SORL1: variants seen among roughly 807,000 people sequenced by gnomAD.
SORL1 encodes sortilin related receptor 1, also known as sortilin-related receptor.
A neutral mutation model predicts 273.7 loss-of-function variants in SORL1; 127 were observed. The observed-to-expected ratio is 0.46, with a 90% CI of 0.40 to 0.54. The LOEUF (loss-of-function observed/expected upper bound fraction) is 0.54, where lower values mean the gene tolerates loss of function less well. Ranked by LOEUF, SORL1 falls within the 20% of genes least tolerant of loss-of-function variation. The probability of loss-of-function intolerance (pLI) is 0.00; values close to 1 mark genes in which losing one functional copy is unlikely to be tolerated. For missense variants in SORL1, 2,494 were observed against 2,846.1 expected (o/e 0.88, Z 2.81); for synonymous variants, 1,031 against 1,067.4 (o/e 0.97, Z 0.66).
intron 8 of SORL1, among the ~76,000 whole-genome samples, chr11:121,519,034 G>A (rs1378127530): frequency 1.3e-4 from 20 of 148,522 alleles, no homozygotes; most frequent in Non-Finnish European, 2.8e-4. Flanking sequence ...TGCAACCTCC[G>A]CCTCCCGGGT....
At chr11:121,619,585 A>G (rs12278701) in intron 42 of SORL1, among the ~76,000 whole-genome samples, 168 bp from the exon 43 acceptor site, 2,440 of 152,322 alleles carry the variant, frequency 0.016, 55 homozygotes, top group African/African-American at 0.055. Flanking sequence ...TACCAGTGGT[A>G]CCTCTTGGAA....
At chr11:121,553,063 A>T (rs1459278269) in intron 16 of SORL1, among the ~76,000 whole-genome samples, 1 of 152,220 alleles carries the variant, frequency 6.6e-6, no homozygotes, top group Non-Finnish European at 1.5e-5. Flanking sequence ...CATCTTAAAA[A>T]TCATCCACGG....
intron 6 of SORL1, among the ~76,000 whole-genome samples, chr11:121,501,020 T>A (rs1472405680): frequency 1.3e-5 from 2 of 152,132 alleles, no homozygotes; most frequent in African/African-American, 4.8e-5. Context: ...AGATGAGAAA[T>A]CAGCTGACAA....
At chr11:121,576,070 T>G (rs967586592) in intron 24 of SORL1, among the ~76,000 whole-genome samples, 5 of 152,250 alleles carry the variant, frequency 3.3e-5, no homozygotes, top group Admixed American at 2.0e-4. Flanking sequence ...GACGGCTGCC[T>G]TGGGCCCCAC....
intron 32 of SORL1, among the ~76,000 whole-genome samples, chr11:121,599,988 G>A (rs769025239): frequency 5.3e-5 from 8 of 152,048 alleles, no homozygotes; most frequent in Non-Finnish European, 1.2e-4. Flanking sequence ...GCTTTTTAAA[G>A]TGGCCCTATC....
rs535001176 is a variant in SORL1, at chr11:121,572,566, C to G, written c.3338-1675C>G. ...CTTATCTGTGCCTGCATGTGTGTCT[C>G]CCTCATCAAGGAGGTTGCGTGTGGA... On this transcript the variant is annotated intron_variant, in intron 23 of 47. Transcript: ENST00000260197. Among the ~76,000 whole-genome samples, 3 of 152,250 alleles carry G rather than the reference C, an allele frequency of 2.0e-5. No homozygotes were observed. In the East Asian group the frequency reaches 5.8e-4, roughly 29 times the overall value.
chr11:121,605,196 A>G lies in SORL1; in HGVS notation c.4735A>G (p.Lys1579Glu). Residue 1579 changes from lysine (K) to glutamate (E), a missense_variant, in exon 34 of 48, where the codon AAA becomes GAA. Physicochemically the swap from Lys to Glu is moderately conservative, Grantham distance 56. This residue lies in a region of SORL1 where 1,609 missense variants were observed against 1,816.4 expected (regional missense o/e 0.89). Transcript: ENST00000260197. ...TGTGACTTTGACCTGGATGAGGCCCAAAAAAATGCCCTCTGCTTCTTGTGT... is the reference window on the plus strand; with the variant it reads ...TGTGACTTTGACCTGGATGAGGCCCGAAAAAATGCCCTCTGCTTCTTGTGT... ...GDVTLTWMRP[K>E]KMPSASCVYN... The G allele has an allele frequency of 6.2e-7, 1 of 1,612,502 alleles. No individual in the cohort carries two copies. Among genetic ancestry groups the G allele is most frequent in the Non-Finnish European group, 8.5e-7 (1 of 1,178,878 alleles).
chr11:121,530,316 TC>T (rs1862184203), intron 11 of SORL1, among the ~76,000 whole-genome samples: 1 of 152,178 alleles, frequency 6.6e-6, no homozygotes, highest in African/African-American at 2.4e-5. Context: ...CTATAGCATT[TC>T]CTGTAGCGAG....
At chr11:121,453,198 C>A (rs1269126034) in intron 1 of SORL1, among the ~76,000 whole-genome samples, 1 of 152,080 alleles carries the variant, frequency 6.6e-6, no homozygotes, top group Non-Finnish European at 1.5e-5. Context: ...TCTTCCCCAC[C>A]CTTCAAGATG....
rs538948789 is a variant in SORL1, at chr11:121,518,201, G to C, written c.1212-2456G>C. Among the ~76,000 whole-genome samples the C allele has an allele frequency of 1.7e-3, 261 of 152,328 alleles. 1 individual carries two copies. The highest frequency in any genetic ancestry group is 3.1e-3 in the Non-Finnish European group (209 of 68,014). ...CAGGGCATGGATTCTGCACTGAGTGGGGCTATAGGGGACCTGGTGAGCTTC... is the reference window on the plus strand; with the variant it reads ...CAGGGCATGGATTCTGCACTGAGTGCGGCTATAGGGGACCTGGTGAGCTTC... On this transcript the variant is annotated intron_variant, in intron 8 of 47. Transcript: ENST00000260197.
chr11:121,479,354 C>T lies in SORL1; in HGVS notation c.528+1111C>T, dbSNP rs182147623. Among the ~76,000 whole-genome samples the T allele has an allele frequency of 1.7e-3, 256 of 152,260 alleles. 2 individuals carry two copies. Among genetic ancestry groups the T allele is most frequent in the Middle Eastern group, 0.014 (4 of 294 alleles). On this transcript the variant is annotated intron_variant, in intron 3 of 47. Transcript: ENST00000260197. The stretch of plus-strand genomic sequence containing the variant: ...GTTTGTTTCCAGGCCAGATCTTCTA[C>T]GGAAAGACCCTTAGTAGAAAAACTA...
chr11:121,523,516 G>C (rs558618746), intron 11 of SORL1, among the ~76,000 whole-genome samples: 1 of 151,848 alleles, frequency 6.6e-6, no homozygotes, highest in African/African-American at 2.4e-5. Context: ...AACTAATATC[G>C]ATGCTGATTA....
In SORL1 at chr11:121,631,933, G is replaced by C. The variant is rs1863882225; in HGVS notation, c.*2370G>C. ...TGTTTCCCTCTGTGTAGCTTTGTGG[G>C]GATTTCATGTATATATGCTGTCTGA... On this transcript the variant is annotated 3_prime_UTR_variant, in exon 48 of 48. Transcript: ENST00000260197. 6.6e-6 allele frequency: 1 copy of C among 152,120 alleles called. No homozygotes were observed. The highest frequency in any genetic ancestry group is 1.5e-5 in the Non-Finnish European group (1 of 68,034). 9.4% of individuals were successfully genotyped at this position (152,120 alleles called of 1,614,324 possible).
At chr11:121,494,613 G>A (rs1034541591) in intron 5 of SORL1, among the ~76,000 whole-genome samples, 2 of 152,180 alleles carry the variant, frequency 1.3e-5, no homozygotes, top group East Asian at 1.9e-4. Context: ...GTCAGTGAGC[G>A]TAAGACATTG....
intron 14 of SORL1, among the ~76,000 whole-genome samples, chr11:121,549,747 T>TTTTTTTTTTTTTTTTTTTTTTTTTTA (rs1862481206): frequency 6.6e-6 from 1 of 152,064 alleles, no homozygotes; most frequent in Non-Finnish European, 1.5e-5. Context: ...TTGGTCTATT[T>TTTTTTTTTTTTTTTTTTTTTTTTTTA]ATGGCATGTG....
intron 39 of SORL1, 82 bp downstream of exon 39, chr11:121,611,240 GA>G (rs1309523328): frequency 2.2e-6 from 2 of 918,752 alleles, no homozygotes; most frequent in Non-Finnish European, 3.3e-6. Flanking sequence ...AGTAAGACTG[GA>G]AAAAAACAAA....
chr11:121,615,149 A>G, intron 41 of SORL1, 94 bp downstream of exon 41: 1 of 1,056,518 alleles, frequency 9.5e-7, no homozygotes, highest in East Asian at 2.7e-5. Context: ...CTCTTTTGCA[A>G]ATGTTCCGGT....
intron 8 of SORL1, 118 bp downstream of exon 8, chr11:121,514,439 G>A (rs1861922163): frequency 2.1e-6 from 2 of 971,316 alleles, no homozygotes; most frequent in Non-Finnish European, 3.0e-6. Flanking sequence ...GGAGCTTTCG[G>A]AAACCCGATG....
chr11:121,520,317 A>C (rs1862020607), intron 8 of SORL1, among the ~76,000 whole-genome samples: 1 of 152,234 alleles, frequency 6.6e-6, no homozygotes, highest in Non-Finnish European at 1.5e-5. Flanking sequence ...CCTTGAAAGC[A>C]TTATGCTAAG....
Sources: gnomAD v4.1 joint callset for allele counts (sites outside exome capture counted in the v4.1 genomes callset) on GRCh38, gnomAD v4.1.1 for gene constraint, gnomAD v4.1.1 regional missense constraint, MANE v1.5 for transcripts, NCBI Gene and HGNC (gene_info 2026-07-23, HGNC 2026-07-21) for gene names.